The following NOP9 variants were observed in gnomAD, a reference collection of about 807,000 sequenced individuals.
NOP9 encodes nucleolar protein 9.
In NOP9, 50 loss-of-function variants were observed where a neutral mutation model predicts 63.0. The ratio of observed to expected loss-of-function variants is 0.79; its 90% confidence interval spans 0.63 to 1.00. The LOEUF is 1.00. Ranked by LOEUF, NOP9 falls within the 50% of genes least tolerant of loss-of-function variation. NOP9 has a pLI of 0.00. For missense variants in NOP9, 758 were observed against 803.0 expected (o/e 0.94, Z 0.68); for synonymous variants, 343 against 332.8 (o/e 1.03, Z -0.33).
the NOP9 span, among the ~76,000 whole-genome samples, chr14:24,289,067 G>A: frequency 2.8e-4 from 42 of 150,938 alleles, no homozygotes; most frequent in Non-Finnish European, 5.6e-4. Context: ...CCTCCTGGGA[G>A]GTGGGTTCAT....
the NOP9 span, among the ~76,000 whole-genome samples, chr14:24,275,242 G>A: frequency 6.6e-6 from 1 of 152,172 alleles, no homozygotes; most frequent in Admixed American, 6.5e-5. Flanking sequence ...TTGAAGAAGA[G>A]ATTTTTACTG....
chr14:24,274,510 A>C, the NOP9 span, among the ~76,000 whole-genome samples: 1 of 150,892 alleles, frequency 6.6e-6, no homozygotes, highest in Non-Finnish European at 1.5e-5. Context: ...GGAACTGATG[A>C]TAATAAGCCT....
upstream of NOP9, among the ~76,000 whole-genome samples, chr14:24,298,492 A>G (rs2041301161): frequency 6.6e-6 from 1 of 152,260 alleles, no homozygotes; most frequent in Admixed American, 6.5e-5. Flanking sequence ...TGTGCAGTTC[A>G]ATAAAGTCTT....
Position 24,300,161 on chromosome 14 carries a change from G to C in NOP9, c.207G>C (p.Leu69=), listed in dbSNP as rs1430497632. The C allele has an allele frequency of 1.2e-6, 2 of 1,614,028 alleles. No individual in the cohort carries two copies. Among genetic ancestry groups the C allele is most frequent in the Non-Finnish European group, 1.7e-6 (2 of 1,180,032 alleles). ...CTCTGGGATATTTCCGCCGGGCGCTGTCAGCATTGAAAGAGGCTCCCGAGA... is the reference window on the plus strand; with the variant it reads ...CTCTGGGATATTTCCGCCGGGCGCTCTCAGCATTGAAAGAGGCTCCCGAGA... ...PEALGYFRRA[L]SALKEAPETG... The change falls in exon 1 of 10, where the codon CTG becomes CTC. Residue 69 remains leucine, a synonymous_variant. Transcript: ENST00000267425.
chr14:24,299,085 G>A (rs193095681), upstream of NOP9: 246 of 1,613,596 alleles, frequency 1.5e-4, 1 homozygote, highest in East Asian at 3.6e-3. Context: ...ACACACACTT[G>A]GCCATTCATG....
In NOP9 at chr14:24,305,059, G is replaced by A; in HGVS notation, c.1875G>A (p.Lys625=). 6.3e-7 allele frequency: 1 copy of A among 1,586,698 alleles called. No homozygotes were observed. Among genetic ancestry groups the A allele is most frequent in the Non-Finnish European group, 8.6e-7 (1 of 1,166,412 alleles). The part of the protein sequence containing the change: ...AWEQQQGAVA[K]RRRALNSILE... Reference sequence around the variant, plus strand: ...AACAGCAGCAGGGTGCGGTGGCCAAGCGGAGGCGGGCATTGAACTCCATAC... The same window carrying A: ...AACAGCAGCAGGGTGCGGTGGCCAAACGGAGGCGGGCATTGAACTCCATAC... Residue 625 remains lysine, a synonymous_variant, in exon 10 of 10, where the codon AAG becomes AAA. Coordinates refer to ENST00000267425, the MANE Select transcript of NOP9 (RefSeq NM_174913.3).
At chr14:24,300,250 G>A (rs2041345666) in intron 1 of NOP9, 49 bp downstream of exon 1, 1 of 1,598,870 alleles carries the variant, frequency 6.3e-7, no homozygotes, top group Non-Finnish European at 8.5e-7. Flanking sequence ...ATCCAGGGCA[G>A]GCAAGGAAAC....
chr14:24,307,668 G>A lies in NOP9; in HGVS notation c.*2573G>A. ...GAGAGACCATGGAGTGCAGGTGGGG[G>A]CGGGTGGCTCAGGAGCTTGACAAGC... is the stretch of plus-strand genomic sequence containing the variant. On this transcript the variant is annotated 3_prime_UTR_variant, in exon 10 of 10. Transcript: ENST00000267425. 2.5e-6 allele frequency: 3 copies of A among 1,204,364 alleles called. No individual in the cohort carries two copies. The highest frequency in any genetic ancestry group is 3.6e-6 in the Non-Finnish European group (3 of 839,558). 74.6% of individuals were successfully genotyped at this position (1,204,364 alleles called of 1,614,324 possible). A position where few individuals can be genotyped will look rare whatever the true frequency, so the allele number is the denominator to read the frequency against.
At chr14:24,298,998 T>A (rs761477205), upstream of NOP9, 49 of 1,613,278 alleles carry the variant, frequency 3.0e-5, no homozygotes, top group Non-Finnish European at 4.2e-5. Context: ...TGGCGGCCAG[T>A]GATGTAAACT....
At chr14:24,275,774 T>A in the NOP9 span, among the ~76,000 whole-genome samples, 13 of 152,376 alleles carry the variant, frequency 8.5e-5, no homozygotes, top group Non-Finnish European at 1.3e-4. Flanking sequence ...CCGGGCCATG[T>A]GCAGTGTGTG....
chr14:24,299,269 A>G (rs2041323083), upstream of NOP9: 1 of 791,734 alleles, frequency 1.3e-6, no homozygotes, highest in Admixed American at 3.0e-5. Flanking sequence ...GAGGAGTCAG[A>G]GGCTGACAAC....
chr14:24,296,539 A>G (rs1172726503), upstream of NOP9: 5 of 1,614,204 alleles, frequency 3.1e-6, no homozygotes, highest in South Asian at 3.3e-5. Flanking sequence ...ATCATCCCAC[A>G]TGGAGGCAGG....
upstream of NOP9, chr14:24,299,258 A>G (rs1386752420): frequency 8.2e-6 from 7 of 854,144 alleles, no homozygotes; most frequent in Admixed American, 8.9e-5. Context: ...CTTTGAGGGG[A>G]GAGGAGTCAG....
intron 7 of NOP9, 69 bp downstream of exon 7, chr14:24,303,926 T>A: frequency 6.2e-7 from 1 of 1,600,744 alleles, no homozygotes; most frequent in African/African-American, 1.3e-5. Context: ...AGCAAGCGTC[T>A]GACTTCTGAG....
In NOP9 at chr14:24,304,140, C is replaced by T. The variant is rs1357809206; in HGVS notation, c.1510C>T (p.Arg504Ter). Residue 504 changes from arginine to a stop codon, truncating the protein, a stop_gained, in exon 8 of 10, where the codon CGA becomes TGA. Coordinates refer to ENST00000267425, the MANE Select transcript of NOP9 (RefSeq NM_174913.3). LOFTEE classifies it high-confidence loss of function. ...CTTCTCCACTCCTGGTCTTGTACTT[C>T]GAAGTCTGGGTGCCTTGACGGGACC... ...LHFSTPGLVL[R>*]SLGALTGPQL... 16 of 1,614,118 alleles carry T rather than the reference C, an allele frequency of 9.9e-6. No individual in the cohort carries two copies. The highest frequency in any genetic ancestry group is 2.2e-5 in the East Asian group (1 of 44,898).
At chr14:24,285,983 CAAAA>C in the NOP9 span, among the ~76,000 whole-genome samples, 80,694 of 150,080 alleles carry the variant, frequency 0.54, 22,171 homozygotes, top group East Asian at 0.7. Context: ...GATAAACTGT[CAAAA>C]AAAAAAAAAA....
chr14:24,291,165 C>T, the NOP9 span: 23 of 1,614,144 alleles, frequency 1.4e-5, no homozygotes, highest in African/African-American at 2.7e-5. Flanking sequence ...GCCATAGCGT[C>T]GAGCAAGGTC....
chr14:24,295,924 TA>T (rs1385992213), upstream of NOP9, among the ~76,000 whole-genome samples: 1 of 152,202 alleles, frequency 6.6e-6, no homozygotes, highest in Non-Finnish European at 1.5e-5. Flanking sequence ...TATGAGAGTG[TA>T]ACATCATTCC....
chr14:24,298,838 A>G (rs2041310078), upstream of NOP9: 1 of 1,169,656 alleles, frequency 8.5e-7, no homozygotes, highest in Non-Finnish European at 1.1e-6. Context: ...CTTTGAATAA[A>G]TATTCACATC....
Sources: gnomAD v4.1 joint callset for allele counts (sites outside exome capture counted in the v4.1 genomes callset) on GRCh38, gnomAD v4.1.1 for gene constraint, MANE v1.5 for transcripts, NCBI Gene and HGNC (gene_info 2026-07-23, HGNC 2026-07-21) for gene names.